Variants in CTIF observed in about 807,000 individuals in gnomAD.
CTIF encodes the protein CBP80/20-dependent translation initiation factor.
In CTIF, 21 loss-of-function variants were observed where a neutral mutation model predicts 66.0. The ratio of observed to expected loss-of-function variants is 0.32; its 90% CI spans 0.23 to 0.46. CTIF has a LOEUF of 0.46. Ranked by LOEUF, CTIF falls within the 20% of genes least tolerant of loss-of-function variation. CTIF has a pLI of 1.00. For synonymous variants in CTIF, 345 were observed against 326.4 expected, an observed-to-expected ratio of 1.06 and a Z score of -0.62; for missense variants, 739 against 812.7, an observed-to-expected ratio of 0.91 and a Z score of 1.10.
chr18:48,657,610 G>A (rs984830541), intron 3 of CTIF, among the ~76,000 whole-genome samples: 1 of 152,164 alleles, frequency 6.6e-6, no homozygotes, highest in African/African-American at 2.4e-5. Context: ...CTGCACGGGA[G>A]TGTGCAGGGT....
Position 48,559,646 on chromosome 18 carries a change from G to A in CTIF, c.-29+20334G>A, listed in dbSNP as rs559472004. Among the ~76,000 whole-genome samples, 4 of 152,314 alleles carry A rather than the reference G, an allele frequency of 2.6e-5. No homozygotes were observed. In the South Asian group the frequency reaches 6.2e-4, roughly 24 times the overall value. On this transcript the variant is annotated intron_variant, in intron 1 of 11. Coordinates refer to ENST00000256413, the MANE Select transcript of CTIF (RefSeq NM_014772.3). ...AGCTGGAAGATCCACTTCCAAAATG[G>A]CACATTCTCATGGCTGGCAAGTTGT... is the stretch of plus-strand genomic sequence containing the variant.
intron 2 of CTIF, among the ~76,000 whole-genome samples, chr18:48,630,758 C>T (rs1598767657): frequency 1.3e-5 from 2 of 151,982 alleles, no homozygotes; most frequent in East Asian, 3.9e-4. Flanking sequence ...TTACTGCAAG[C>T]TCTGCCTCCC....
At chr18:48,625,094 T>G in intron 2 of CTIF, 1 of 344,580 alleles carries the variant, frequency 2.9e-6, no homozygotes, top group Non-Finnish European at 4.1e-6. Context: ...CATTCTGCCT[T>G]CCCTGTTCAC....
At position 48,753,399 on chromosome 18, in the gene CTIF, AT is replaced by A. The variant is rs1908027557; in HGVS notation, c.585-4513del. Among the ~76,000 whole-genome samples, 4 of 152,106 alleles carry A rather than the reference AT, an allele frequency of 2.6e-5. No homozygotes were observed. In the South Asian group the frequency reaches 8.3e-4, roughly 31 times the overall value. On this transcript the variant is annotated intron_variant, in intron 7 of 11. Coordinates refer to ENST00000256413, the MANE Select transcript of CTIF (RefSeq NM_014772.3). ...CTCCATTTGGACTGCTGTTAAAACC[AT>A]TTTTTTAAACAAAATTTGAAGTTAT...
intron 6 of CTIF, among the ~76,000 whole-genome samples, chr18:48,693,722 A>G (rs1160187323): frequency 1.3e-5 from 2 of 152,212 alleles, no homozygotes; most frequent in East Asian, 1.9e-4. Flanking sequence ...GCAAGGGTCT[A>G]TCGGCCATGA....
chr18:48,652,798 T>G (rs944597680), intron 3 of CTIF, among the ~76,000 whole-genome samples: 59 of 152,292 alleles, frequency 3.9e-4, no homozygotes, highest in African/African-American at 1.2e-3. Flanking sequence ...GTGGGCTTCA[T>G]CCCTGGGATG....
At chr18:48,710,108 G>A (rs1016368960) in intron 6 of CTIF, among the ~76,000 whole-genome samples, 2 of 152,222 alleles carry the variant, frequency 1.3e-5, no homozygotes, top group African/African-American at 4.8e-5. Flanking sequence ...CTTGGGGGCT[G>A]AGCCCCGTGA....
At position 48,653,433 on chromosome 18, in the gene CTIF, T is replaced by A. The variant is rs557445644; in HGVS notation, c.253-10319T>A. Reference sequence around the variant, plus strand: ...CAACTTATAAGGAATGTGAAGGACCTCTTCAAGGAGAACTACAAACCACTA... The same window carrying A: ...CAACTTATAAGGAATGTGAAGGACCACTTCAAGGAGAACTACAAACCACTA... On this transcript the variant is annotated intron_variant, in intron 3 of 11. Transcript: ENST00000256413. Among the ~76,000 whole-genome samples the A allele has an allele frequency of 7.8e-4, 119 of 152,258 alleles. 1 individual carries two copies. The highest frequency in any genetic ancestry group is 1.5e-3 in the Non-Finnish European group (105 of 68,018).
At chr18:48,679,162 C>G (rs12604699) in intron 6 of CTIF, among the ~76,000 whole-genome samples, 20,520 of 152,224 alleles carry the variant, frequency 0.13, 1,559 homozygotes, top group South Asian at 0.29. Context: ...CACTAGTCAT[C>G]CAAGAGCCCT....
chr18:48,610,184 T>A (rs80031411), intron 1 of CTIF, among the ~76,000 whole-genome samples: 1,697 of 152,166 alleles, frequency 0.011, 11 homozygotes, highest in South Asian at 0.017. Context: ...ATAAAAAAAA[T>A]TCAAGAGCAG....
chr18:48,570,814 T>TGG (rs1388012754), intron 1 of CTIF, among the ~76,000 whole-genome samples: 1 of 151,000 alleles, frequency 6.6e-6, no homozygotes, highest in Non-Finnish European at 1.5e-5. Context: ...TTGAGGAGGG[T>TGG]GGAGGGAGGT....
Position 48,803,993 on chromosome 18 carries a change from C to T in CTIF, c.1372-13228C>T, listed in dbSNP as rs75439609. Among the ~76,000 whole-genome samples the T allele has an allele frequency of 1.5e-4, 23 of 152,284 alleles. No homozygotes were observed. In the East Asian group the frequency reaches 4.0e-3, roughly 27 times the overall value. On this transcript the variant is annotated intron_variant, in intron 9 of 11. Coordinates refer to ENST00000256413, the MANE Select transcript of CTIF (RefSeq NM_014772.3). The stretch of plus-strand genomic sequence containing the variant: ...CCTGGGGACAGGCTGTGTCCTAGGG[C>T]CCACCTTCCATGTAAGACAGCCCAG...
intron 6 of CTIF, among the ~76,000 whole-genome samples, chr18:48,696,236 C>G (rs1299272122): frequency 2.0e-5 from 3 of 152,218 alleles, no homozygotes; most frequent in Non-Finnish European, 4.4e-5. Context: ...AGGCTATGGG[C>G]CCAGCTGTGA....
rs1270401398 is a variant in CTIF at position 48,603,576 on chromosome 18, T to C, written c.-28-15962T>C. Among the ~76,000 whole-genome samples the C allele has an allele frequency of 1.7e-4, 23 of 137,760 alleles. No homozygotes were observed. In the Admixed American group the frequency reaches 1.7e-3, roughly 10 times the overall value. 90.4% of individuals were successfully genotyped at this position (137,760 alleles called of 152,430 possible). On this transcript the variant is annotated intron_variant, in intron 1 of 11. Transcript: ENST00000256413. ...ATGGATGGATAAATGGGGGGGTGGATGGCTGGCTGGGTGGATAGATGGATG... is the reference window on the plus strand; with the variant it reads ...ATGGATGGATAAATGGGGGGGTGGACGGCTGGCTGGGTGGATAGATGGATG...
intron 1 of CTIF, among the ~76,000 whole-genome samples, chr18:48,610,637 G>T (rs142602849): frequency 6.6e-6 from 1 of 152,226 alleles, no homozygotes; most frequent in East Asian, 1.9e-4. Flanking sequence ...CATTCTGGGT[G>T]CCAGCACTGC....
At chr18:48,546,365 G>C (rs192389114) in intron 1 of CTIF, among the ~76,000 whole-genome samples, 1 of 152,156 alleles carries the variant, frequency 6.6e-6, no homozygotes, top group Non-Finnish European at 1.5e-5. Flanking sequence ...AGAGTTAGTC[G>C]TCTGGGGTGG....
intron 7 of CTIF, among the ~76,000 whole-genome samples, chr18:48,724,136 G>A (rs1262380205): frequency 6.6e-6 from 1 of 152,186 alleles, no homozygotes; most frequent in Non-Finnish European, 1.5e-5. Context: ...CAAATTATGG[G>A]CTGGATGGGG....
chr18:48,675,126 A>T (rs534482281), intron 6 of CTIF, among the ~76,000 whole-genome samples: 57 of 140,798 alleles, frequency 4.0e-4, no homozygotes, highest in Middle Eastern at 6.9e-3. Flanking sequence ...GGGTTCAATC[A>T]TGGTTCTCAG....
Position 48,817,358 on chromosome 18 carries a change from C to A in CTIF, c.1509C>A (p.Ile503=), listed in dbSNP as rs778191426. 3.7e-6 allele frequency: 6 copies of A among 1,612,488 alleles called. No homozygotes were observed. In the East Asian group the frequency reaches 1.3e-4, roughly 36 times the overall value. The part of the protein sequence containing the change: ...GEPFRVLVCP[I]YTCLRELLQS... ...CCTTCCGTGTGCTCGTGTGCCCCAT[C>A]TACACCTGCCTCAGGGAGGTAAGAG... The change falls in exon 10 of 12, where the codon ATC becomes ATA. Residue 503 remains isoleucine, a synonymous_variant. Coordinates refer to ENST00000256413, the MANE Select transcript of CTIF (RefSeq NM_014772.3).
Sources: allele counts gnomAD v4.1 joint callset (sites outside exome capture counted in the v4.1 genomes callset), GRCh38; gene constraint gnomAD v4.1.1; transcripts MANE v1.5; gene names NCBI Gene and HGNC (gene_info 2026-07-23, HGNC 2026-07-21).